The following SLC24A2 variants were observed in gnomAD, a reference collection of about 807,000 sequenced individuals.
SLC24A2 encodes the protein solute carrier family 24 member 2.
SLC24A2 carries 36 observed loss-of-function variants against 62.0 expected under a neutral mutation model. The observed-to-expected ratio is 0.58, with a 90% CI of 0.44 to 0.77. The LOEUF is 0.77. Among genes scored for constraint, SLC24A2 ranks in the 30% least tolerant of loss-of-function variants. The pLI, the probability that SLC24A2 is intolerant of heterozygous loss-of-function variation, is 0.00. For synonymous variants in SLC24A2, 358 were observed against 294.0 expected, an observed-to-expected ratio of 1.22 and a Z score of -2.23; for missense variants, 846 against 817.9, an observed-to-expected ratio of 1.03 and a Z score of -0.42.
At position 19,597,214 on chromosome 9, in the gene SLC24A2, T is replaced by G; in HGVS notation, c.1129+15A>C. The G allele has an allele frequency of 6.4e-7, 1 of 1,553,312 alleles. No individual in the cohort carries two copies. Among genetic ancestry groups the G allele is most frequent in the Non-Finnish European group, 8.9e-7 (1 of 1,124,738 alleles). ...GTAAAAAAGCCAATGCATACAATTC[T>G]AAAATCATTCTTACCTTCTTCAGTC... On this transcript the variant is annotated intron_variant, in intron 5 of 10. Coordinates refer to ENST00000341998, the MANE Select transcript of SLC24A2 (RefSeq NM_020344.4).
chr9:19,735,971 C>T (rs191932028), intron 2 of SLC24A2, among the ~76,000 whole-genome samples: 3 of 151,894 alleles, frequency 2.0e-5, no homozygotes, highest in East Asian at 1.9e-4. Flanking sequence ...CAAACCTGTA[C>T]GTTGTGCACA....
chr9:19,974,307 C>A, the SLC24A2 span, among the ~76,000 whole-genome samples: 17 of 152,132 alleles, frequency 1.1e-4, no homozygotes, highest in Non-Finnish European at 2.5e-4. Context: ...TGTCCTGAAA[C>A]CCTATAGTGA....
At chr9:19,788,449 C>G (rs542343831) in intron 1 of SLC24A2, 1 of 949,222 alleles carries the variant, frequency 1.1e-6, no homozygotes, top group Non-Finnish European at 1.3e-6. Context: ...CGCCCCCAGC[C>G]GCGCCCCAAC....
At chr9:20,079,267 T>A in the SLC24A2 span, among the ~76,000 whole-genome samples, 1 of 152,212 alleles carries the variant, frequency 6.6e-6, no homozygotes, top group East Asian at 1.9e-4. Flanking sequence ...AATAAAGTTA[T>A]GTTGCTTTAA....
At chr9:20,267,588 G>A in the SLC24A2 span, among the ~76,000 whole-genome samples, 10 of 152,160 alleles carry the variant, frequency 6.6e-5, no homozygotes, top group Middle Eastern at 3.2e-3. Context: ...GGAGGCATTG[G>A]ATGCCTCACC....
intron 2 of SLC24A2, among the ~76,000 whole-genome samples, chr9:19,729,958 A>C (rs1821287291): frequency 6.6e-6 from 1 of 152,180 alleles, no homozygotes; most frequent in Non-Finnish European, 1.5e-5. Flanking sequence ...TATTATATGG[A>C]TCTAAACATC....
intron 6 of SLC24A2, among the ~76,000 whole-genome samples, chr9:19,574,020 C>G (rs942178088): frequency 3.9e-5 from 6 of 152,124 alleles, no homozygotes; most frequent in Non-Finnish European, 8.8e-5. Flanking sequence ...CTGCTTTGAT[C>G]GGGTTGCTAT....
At chr9:19,685,856 T>C (rs1819865103) in intron 2 of SLC24A2, among the ~76,000 whole-genome samples, 1 of 152,104 alleles carries the variant, frequency 6.6e-6, no homozygotes, top group African/African-American at 2.4e-5. Flanking sequence ...GACATTGGAC[T>C]TGGCAAACAT....
chr9:19,863,381 A>AT, the SLC24A2 span, among the ~76,000 whole-genome samples: 1 of 152,038 alleles, frequency 6.6e-6, no homozygotes, highest in Non-Finnish European at 1.5e-5. Flanking sequence ...TGTACTCTAG[A>AT]CCAAATGGAT....
chr9:19,870,766 G>A, the SLC24A2 span, among the ~76,000 whole-genome samples: 3 of 152,210 alleles, frequency 2.0e-5, no homozygotes, highest in African/African-American at 4.8e-5. Flanking sequence ...ATAATGTTGA[G>A]CATATTTTCC....
chr9:20,032,039 A>G, the SLC24A2 span, among the ~76,000 whole-genome samples: 13 of 152,158 alleles, frequency 8.5e-5, no homozygotes, highest in African/African-American at 3.1e-4. Context: ...GACTGCCCCA[A>G]GGGACTCTGA....
intron 8 of SLC24A2, among the ~76,000 whole-genome samples, chr9:19,541,809 T>C (rs371238003): frequency 1.6e-4 from 24 of 148,482 alleles, no homozygotes; most frequent in South Asian, 8.7e-4. Flanking sequence ...CCCAGCCTCG[T>C]TGCCGCCTTG....
chr9:20,045,572 C>G, the SLC24A2 span, among the ~76,000 whole-genome samples: 1 of 152,092 alleles, frequency 6.6e-6, no homozygotes, highest in East Asian at 1.9e-4. Flanking sequence ...GCTAGGATTA[C>G]AGGCGCCCGC....
chr9:20,275,599 G>A, the SLC24A2 span, among the ~76,000 whole-genome samples: 1 of 152,108 alleles, frequency 6.6e-6, no homozygotes, highest in South Asian at 2.1e-4. Context: ...TATATCCAGG[G>A]CAAGTTTGTA....
the SLC24A2 span, among the ~76,000 whole-genome samples, chr9:19,815,137 C>T: frequency 1.3e-5 from 2 of 152,098 alleles, no homozygotes; most frequent in African/African-American, 4.8e-5. Context: ...ACCCTGGGCC[C>T]TAAGACACAG....
At chr9:19,839,576 G>A in the SLC24A2 span, among the ~76,000 whole-genome samples, 2 of 151,966 alleles carry the variant, frequency 1.3e-5, no homozygotes, top group Non-Finnish European at 2.9e-5. Context: ...TAAAAACAGA[G>A]GAACAATAAT....
chr9:20,133,568 C>T, the SLC24A2 span, among the ~76,000 whole-genome samples: 7 of 152,008 alleles, frequency 4.6e-5, no homozygotes, highest in African/African-American at 1.4e-4. Context: ...CAATTTTTCT[C>T]GATATTTCAA....
intron 9 of SLC24A2, among the ~76,000 whole-genome samples, chr9:19,524,009 G>A (rs1485987480): frequency 6.6e-6 from 1 of 151,950 alleles, no homozygotes; most frequent in African/African-American, 2.4e-5. Context: ...GTTAACTTTT[G>A]TCAAATCAGT....
chr9:19,690,910 TGTGC>T (rs201263146), intron 2 of SLC24A2, among the ~76,000 whole-genome samples: 15 of 110,402 alleles, frequency 1.4e-4, no homozygotes, highest in Non-Finnish European at 1.1e-4. Flanking sequence ...GTATTGTGTG[TGTGC>T]GTGTGAGAGA....
Sources: allele counts gnomAD v4.1 joint callset (sites outside exome capture counted in the v4.1 genomes callset), GRCh38; gene constraint gnomAD v4.1.1; transcripts MANE v1.5; gene names NCBI Gene and HGNC (gene_info 2026-07-23, HGNC 2026-07-21).